The following PLCB4 variants were observed in gnomAD, a reference collection of about 807,000 sequenced individuals.
PLCB4 encodes the protein 1-phosphatidylinositol 4,5-bisphosphate phosphodiesterase beta-4.
A neutral mutation model predicts 178.8 loss-of-function variants in PLCB4; 77 were observed. The ratio of observed to expected loss-of-function variants is 0.43; its 90% CI spans 0.36 to 0.52. The LOEUF (loss-of-function observed/expected upper bound fraction) is 0.52, where lower values mean the gene tolerates loss of function less well. Ranked by LOEUF, PLCB4 falls within the 20% of genes least tolerant of loss-of-function variation. The probability of loss-of-function intolerance (pLI) is 0.00; values close to 1 mark genes in which losing one functional copy is unlikely to be tolerated. For missense variants in PLCB4, 1,024 were observed against 1,453.4 expected (o/e 0.70, Z 4.80); for synonymous variants, 496 against 490.8 (o/e 1.01, Z -0.14).
chr20:9,356,330 T>C lies in PLCB4; in HGVS notation c.370-6566T>C, dbSNP rs147929728. Among the ~76,000 whole-genome samples the C allele has an allele frequency of 8.6e-4, 131 of 152,318 alleles. 1 individual carries two copies. Among genetic ancestry groups the C allele is most frequent in the African/African-American group, 2.6e-3 (109 of 41,568 alleles). ...CCATTTGTCAATTTTGCCATGTTTT[T>C]ATAGACTCATAAGAGGAAACATGTT... On this transcript the variant is annotated intron_variant, in intron 7 of 39. Transcript: ENST00000378473.
intron 7 of PLCB4, among the ~76,000 whole-genome samples, chr20:9,357,556 A>C (rs984693829): frequency 6.6e-6 from 1 of 152,044 alleles, no homozygotes; most frequent in African/African-American, 2.4e-5. Flanking sequence ...CTGAAATCCT[A>C]CCCTCTAAGG....
chr20:9,159,730 G>A (rs904949695), intron 2 of PLCB4, among the ~76,000 whole-genome samples: 2 of 152,192 alleles, frequency 1.3e-5, no homozygotes, highest in South Asian at 4.1e-4. Context: ...AGCTTGGCTT[G>A]ATGAAAGTTT....
intron 7 of PLCB4, among the ~76,000 whole-genome samples, chr20:9,360,122 T>C (rs1389265113): frequency 1.3e-5 from 2 of 152,200 alleles, no homozygotes; most frequent in Non-Finnish European, 2.9e-5. Flanking sequence ...CTGTCTGCCC[T>C]GCACCAGCTG....
rs368488966 is a variant in PLCB4, at chr20:9,338,084, T to C, written c.225+17T>C. On this transcript the variant is annotated intron_variant, in intron 6 of 39. Transcript: ENST00000378473. ...ATACCAAAGGTACCTGTGATTGGTA[T>C]TTGCTTTTCTAAACACGGATTTACT... 3.2e-6 allele frequency: 5 copies of C among 1,573,226 alleles called. No homozygotes were observed. Among genetic ancestry groups the C allele is most frequent in the Non-Finnish European group, 4.4e-6 (5 of 1,143,266 alleles).
chr20:9,463,806 C>T (rs1009967281), intron 35 of PLCB4, among the ~76,000 whole-genome samples: 1 of 152,074 alleles, frequency 6.6e-6, no homozygotes, highest in Non-Finnish European at 1.5e-5. Context: ...TACAAAGAGA[C>T]TTAGACTCCC....
chr20:9,247,894 A>C (rs1218378478), intron 3 of PLCB4, among the ~76,000 whole-genome samples: 1 of 152,218 alleles, frequency 6.6e-6, no homozygotes, highest in Non-Finnish European at 1.5e-5. Context: ...TAGAAATTAT[A>C]CAAAAATATT....
At chr20:9,434,604 G>A (rs974134136) in intron 28 of PLCB4, among the ~76,000 whole-genome samples, 1 of 152,156 alleles carries the variant, frequency 6.6e-6, no homozygotes, top group African/African-American at 2.4e-5. Context: ...TTGAACTCGT[G>A]ACCTCAGGTG....
chr20:9,187,909 A>G (rs2093350351), intron 2 of PLCB4, among the ~76,000 whole-genome samples: 1 of 152,172 alleles, frequency 6.6e-6, no homozygotes, highest in Non-Finnish European at 1.5e-5. Flanking sequence ...TTATTCTTAT[A>G]GGTCTCTCAG....
intron 3 of PLCB4, among the ~76,000 whole-genome samples, chr20:9,279,830 A>C (rs2094478947): frequency 6.6e-6 from 1 of 152,010 alleles, no homozygotes; most frequent in Non-Finnish European, 1.5e-5. Context: ...AGTTGAAATA[A>C]TGTATTGCAT....
chr20:9,155,914 G>A (rs2092780008), intron 2 of PLCB4, among the ~76,000 whole-genome samples: 1 of 152,124 alleles, frequency 6.6e-6, no homozygotes, highest in Non-Finnish European at 1.5e-5. Context: ...CACAAGACAA[G>A]TAAATACAGT....
chr20:9,158,120 A>T (rs1331307746), intron 2 of PLCB4, among the ~76,000 whole-genome samples: 1 of 152,178 alleles, frequency 6.6e-6, no homozygotes, highest in Non-Finnish European at 1.5e-5. Context: ...ACGGCAAGGA[A>T]GTTTCAAAGC....
chr20:9,160,908 A>G (rs1292784343), intron 2 of PLCB4, among the ~76,000 whole-genome samples: 1 of 152,168 alleles, frequency 6.6e-6, no homozygotes, highest in Non-Finnish European at 1.5e-5. Context: ...TATTAGTGGC[A>G]GGTCTTCAGA....
intron 2 of PLCB4, among the ~76,000 whole-genome samples, chr20:9,188,527 T>G (rs1275951252): frequency 7.2e-6 from 1 of 139,698 alleles, no homozygotes; most frequent in African/African-American, 2.8e-5. Flanking sequence ...TGTCATATAG[T>G]GACATTCTGG....
In PLCB4 at chr20:9,382,923, A is replaced by G. The variant is rs575176280; in HGVS notation, c.854-1278A>G. On this transcript the variant is annotated intron_variant, in intron 13 of 39. Transcript: ENST00000378473. ...AGGTGCCCAAGGAAAGAGGTATACA[A>G]ATTTCTACTTTCATTTATAATTAGA... Among the ~76,000 whole-genome samples the G allele has an allele frequency of 7.9e-5, 12 of 152,290 alleles. No homozygotes were observed. The South Asian group carries it at 2.5e-3, about 32-fold the overall frequency.
intron 2 of PLCB4, among the ~76,000 whole-genome samples, chr20:9,205,025 A>G (rs984831719): frequency 6.6e-6 from 1 of 152,190 alleles, no homozygotes; most frequent in African/African-American, 2.4e-5. Context: ...TTGACTTATG[A>G]TGGTTCTGCT....
intron 2 of PLCB4, among the ~76,000 whole-genome samples, chr20:9,137,651 C>T (rs1269371358): frequency 6.6e-6 from 1 of 151,306 alleles, no homozygotes; most frequent in Non-Finnish European, 1.5e-5. Context: ...TCAGAGATTT[C>T]TCTCATGTGT....
chr20:9,387,259 C>A (rs1357297742), intron 14 of PLCB4, among the ~76,000 whole-genome samples: 1 of 152,158 alleles, frequency 6.6e-6, no homozygotes, highest in African/African-American at 2.4e-5. Flanking sequence ...TAATCTCACT[C>A]AGACAATCCC....
chr20:9,122,576 A>G (rs1473515058), intron 2 of PLCB4, among the ~76,000 whole-genome samples: 1 of 152,188 alleles, frequency 6.6e-6, no homozygotes, highest in East Asian at 1.9e-4. Flanking sequence ...ACAAGACAAT[A>G]TAGATTAACT....
intron 3 of PLCB4, among the ~76,000 whole-genome samples, chr20:9,269,673 T>C (rs888597134): frequency 2.6e-5 from 4 of 151,916 alleles, no homozygotes; most frequent in Non-Finnish European, 4.4e-5. Context: ...TCAACAGAGA[T>C]CAAGGCAAAG....
Sources: gnomAD v4.1 joint callset for allele counts (sites outside exome capture counted in the v4.1 genomes callset) on GRCh38, gnomAD v4.1.1 for gene constraint, MANE v1.5 for transcripts, NCBI Gene and HGNC (gene_info 2026-07-23, HGNC 2026-07-21) for gene names.